ABL2: variants seen among roughly 807,000 people sequenced by gnomAD.
ABL2 encodes ABL proto-oncogene 2, non-receptor tyrosine kinase.
ABL2 carries 49 observed loss-of-function variants against 107.7 expected under a neutral mutation model. The observed-to-expected ratio is 0.45, with a 90% CI of 0.36 to 0.58. The LOEUF is 0.58. ABL2 is among the 20% of genes least tolerant of loss of function. The pLI, the probability that ABL2 is intolerant of heterozygous loss-of-function variation, is 0.00. For synonymous variants in ABL2, 549 were observed against 548.6 expected (o/e 1.00, Z -0.01); for missense variants, 1,245 against 1,457.0 (o/e 0.85, Z 2.37).
chr1:179,110,101 A>T (rs1210744936), intron 11 of ABL2, among the ~76,000 whole-genome samples, 181 bp downstream of exon 11: 2 of 152,216 alleles, frequency 1.3e-5, no homozygotes, highest in Non-Finnish European at 2.9e-5. Context: ...GGGTACGGAG[A>T]TGAAACTGGA....
intron 6 of ABL2, 147 bp downstream of exon 6, chr1:179,120,043 G>A (rs1189289581): frequency 3.4e-5 from 17 of 496,504 alleles, no homozygotes; most frequent in Non-Finnish European, 7.2e-6. Context: ...GGCCCAGGCG[G>A]AAGTATCACG....
intron 10 of ABL2, 88 bp downstream of exon 10, chr1:179,112,218 AGTT>A (rs1654156372): frequency 8.7e-7 from 1 of 1,146,656 alleles, no homozygotes; most frequent in East Asian, 2.4e-5. Context: ...ACTCCACAAA[AGTT>A]GATCATTTTT....
intron 1 of ABL2, among the ~76,000 whole-genome samples, chr1:179,215,907 C>G (rs185505435): frequency 6.6e-6 from 1 of 152,162 alleles, no homozygotes; most frequent in East Asian, 1.9e-4. Context: ...TAACTCAGTA[C>G]TGTTTTTTTA....
chr1:179,214,519 C>CATATACAT (rs1446121890), intron 1 of ABL2, among the ~76,000 whole-genome samples: 5 of 122,146 alleles, frequency 4.1e-5, no homozygotes, highest in Admixed American at 9.2e-5. Flanking sequence ...TTTAAAATGA[C>CATATACAT]ATATATATAT....
At chr1:179,143,882 G>A (rs1657804808) in intron 1 of ABL2, among the ~76,000 whole-genome samples, 1 of 151,630 alleles carries the variant, frequency 6.6e-6, no homozygotes, top group Non-Finnish European at 1.5e-5. Flanking sequence ...ATTTTTAGAA[G>A]AGACGGGGTT....
chr1:179,156,769 T>C (rs772123171), intron 1 of ABL2, among the ~76,000 whole-genome samples: 1 of 151,782 alleles, frequency 6.6e-6, no homozygotes, highest in Non-Finnish European at 1.5e-5. Context: ...TCCCGGTCAC[T>C]TGGAAAGGTG....
At chr1:179,220,193 A>C (rs12140256) in intron 1 of ABL2, among the ~76,000 whole-genome samples, 14,032 of 152,278 alleles carry the variant, frequency 0.092, 679 homozygotes, top group African/African-American at 0.11. Flanking sequence ...TTAATTTTCT[A>C]AACTCTTCAT....
At chr1:179,229,162 G>T in intron 1 of ABL2, 79 bp downstream of exon 1, 1 of 945,900 alleles carries the variant, frequency 1.1e-6, no homozygotes, top group Non-Finnish European at 1.5e-6. Context: ...CCCTCGGGCA[G>T]CCCGTCCGCC....
At chr1:179,180,710 A>T (rs1660328799) in intron 1 of ABL2, among the ~76,000 whole-genome samples, 1 of 152,204 alleles carries the variant, frequency 6.6e-6, no homozygotes, top group South Asian at 2.1e-4. Context: ...TAACAAAGTA[A>T]ATTTTATGTT....
intron 4 of ABL2, among the ~76,000 whole-genome samples, chr1:179,123,571 CA>C (rs1383285311): frequency 6.6e-6 from 1 of 152,146 alleles, no homozygotes; most frequent in Non-Finnish European, 1.5e-5. Flanking sequence ...ATTTGCTAAG[CA>C]ATAAGAAATG....
At chr1:179,140,748 C>T (rs918508107) in intron 1 of ABL2, among the ~76,000 whole-genome samples, 3 of 152,160 alleles carry the variant, frequency 2.0e-5, no homozygotes, top group Non-Finnish European at 2.9e-5. Context: ...ACTGGATGAA[C>T]GCAGGCCAGG....
rs781068452 is a variant in ABL2, at chr1:179,113,223, CT to C, written c.1562-826del. ...GCCACTGCACCTGGCCATTAACCCA[CT>C]TTCTAAGGCTGGTGCTTCGATTTAG... is the stretch of plus-strand genomic sequence containing the variant. On this transcript the variant is annotated intron_variant, in intron 9 of 11. Coordinates refer to ENST00000502732, the MANE Select transcript of ABL2 (RefSeq NM_007314.4). 3.8e-4 allele frequency among the ~76,000 whole-genome samples: 58 copies of C among 152,278 alleles called. 1 individual carries two copies. The highest frequency in any genetic ancestry group is 7.6e-4 in the Non-Finnish European group (52 of 68,012).
At chr1:179,203,578 C>A (rs576622432) in intron 1 of ABL2, among the ~76,000 whole-genome samples, 1 of 151,730 alleles carries the variant, frequency 6.6e-6, no homozygotes, top group South Asian at 2.1e-4. Context: ...AAAAAAATAA[C>A]CTCTATTTGT....
chr1:179,156,992 C>T (rs1263898951), intron 1 of ABL2, among the ~76,000 whole-genome samples: 3 of 152,090 alleles, frequency 2.0e-5, no homozygotes, highest in African/African-American at 7.2e-5. Context: ...GAATGACTCA[C>T]AATAAAGCTC....
Position 179,108,937 on chromosome 1 carries a change from G to C in ABL2, c.2330C>G (p.Pro777Arg), listed in dbSNP as rs1292743182. 4 of 1,614,056 alleles carry C rather than the reference G, an allele frequency of 2.5e-6. No individual in the cohort carries two copies. Among genetic ancestry groups the C allele is most frequent in the Non-Finnish European group, 3.4e-6 (4 of 1,180,054 alleles). ...KPTASDDTSK[P>R]FPRSNSTSSM... The stretch of plus-strand genomic sequence containing the variant: ...AGATGTAGAGTTTGACCTTGGAAAA[G>C]GCTTGGAAGTGTCATCACTGGCTGT... Residue 777 changes from proline (P) to arginine (R), a missense_variant, in exon 12 of 12, where the codon CCT becomes CGT. By Grantham distance (103) the Pro-to-Arg change is moderately radical (BLOSUM62 -2). Coordinates refer to ENST00000502732, the MANE Select transcript of ABL2 (RefSeq NM_007314.4).
At chr1:179,175,690 T>C (rs1315120054) in intron 1 of ABL2, among the ~76,000 whole-genome samples, 13 of 152,166 alleles carry the variant, frequency 8.5e-5, no homozygotes, top group Non-Finnish European at 1.9e-4. Context: ...AGGGAGGTTT[T>C]ACTACTGTCT....
At chr1:179,115,273 C>A (rs9724754) in intron 8 of ABL2, among the ~76,000 whole-genome samples, 9,921 of 152,120 alleles carry the variant, frequency 0.065, 438 homozygotes, top group Non-Finnish European at 0.089. Context: ...ATTTAGATTT[C>A]CTTTACTGTA....
intron 1 of ABL2, among the ~76,000 whole-genome samples, chr1:179,217,313 CA>C (rs920370713): frequency 2.0e-5 from 3 of 147,222 alleles, no homozygotes; most frequent in East Asian, 4.0e-4. Flanking sequence ...GACTCCATCT[CA>C]AAAAAAAAGA....
intron 1 of ABL2, among the ~76,000 whole-genome samples, chr1:179,187,272 G>T (rs1289414812): frequency 6.6e-6 from 1 of 152,114 alleles, no homozygotes; most frequent in Non-Finnish European, 1.5e-5. Flanking sequence ...ATATTATTCT[G>T]TCAGTTTAAA....
Sources: allele counts gnomAD v4.1 joint callset (sites outside exome capture counted in the v4.1 genomes callset), GRCh38; gene constraint gnomAD v4.1.1; transcripts MANE v1.5; gene names NCBI Gene and HGNC (gene_info 2026-07-23, HGNC 2026-07-21).